SLC25A21: variants seen among roughly 807,000 people sequenced by gnomAD.
SLC25A21 encodes mitochondrial 2-oxodicarboxylate carrier.
SLC25A21 carries 47 observed loss-of-function variants against 43.8 expected under a neutral mutation model. The ratio of observed to expected loss-of-function variants is 1.07; its 90% confidence interval spans 0.85 to 1.37. The LOEUF (loss-of-function observed/expected upper bound fraction) is 1.37. Among genes scored for constraint, SLC25A21 ranks in the 40% most tolerant of loss-of-function variants. The pLI is 0.00. For missense variants in SLC25A21, 352 were observed against 350.2 expected, an observed-to-expected ratio of 1.00 and a Z score of -0.04; for synonymous variants, 131 against 121.3, an observed-to-expected ratio of 1.08 and a Z score of -0.52.
At chr14:36,946,399 A>C (rs1429925110) in intron 1 of SLC25A21, among the ~76,000 whole-genome samples, 2 of 152,150 alleles carry the variant, frequency 1.3e-5, no homozygotes, top group Non-Finnish European at 1.5e-5. Flanking sequence ...AAATGTAATT[A>C]ATTAAGTTTA....
intron 3 of SLC25A21, among the ~76,000 whole-genome samples, chr14:36,777,562 C>A (rs541299583): frequency 2.0e-5 from 3 of 152,062 alleles, no homozygotes; most frequent in Non-Finnish European, 4.4e-5. Flanking sequence ...AGAAGATACT[C>A]AAAGAAACAC....
At chr14:37,159,234 A>G (rs1329035894) in intron 1 of SLC25A21, among the ~76,000 whole-genome samples, 4 of 152,056 alleles carry the variant, frequency 2.6e-5, no homozygotes, top group South Asian at 4.1e-4. Flanking sequence ...AAATCTTAAA[A>G]TCCATAGGGA....
chr14:36,847,624 G>A (rs1889588007), intron 2 of SLC25A21, among the ~76,000 whole-genome samples: 2 of 152,326 alleles, frequency 1.3e-5, no homozygotes, highest in South Asian at 4.1e-4. Flanking sequence ...GAGAAGGTGA[G>A]AGAGGACCCT....
intron 7 of SLC25A21, among the ~76,000 whole-genome samples, chr14:36,704,264 A>G (rs149007935): frequency 6.6e-6 from 1 of 152,332 alleles, no homozygotes; most frequent in East Asian, 1.9e-4. Context: ...CATGGCAGAA[A>G]GAGAATCCAG....
chr14:36,870,190 C>T (rs565083411), intron 2 of SLC25A21, among the ~76,000 whole-genome samples: 14 of 152,270 alleles, frequency 9.2e-5, no homozygotes, highest in South Asian at 6.2e-4. Context: ...TAATTCTAGA[C>T]GTCATAAAAA....
At chr14:37,047,978 A>C (rs902366529) in intron 1 of SLC25A21, among the ~76,000 whole-genome samples, 4 of 152,220 alleles carry the variant, frequency 2.6e-5, no homozygotes, top group African/African-American at 7.2e-5. Flanking sequence ...TTTTAGGAAG[A>C]AAAGCAAATT....
chr14:36,847,049 C>T (rs1030719426), intron 2 of SLC25A21, among the ~76,000 whole-genome samples: 21 of 152,230 alleles, frequency 1.4e-4, no homozygotes, highest in South Asian at 8.3e-4. Flanking sequence ...TACGTCTAGC[C>T]GCAGAATTAT....
At chr14:36,740,804 C>T (rs1000386923) in intron 3 of SLC25A21, among the ~76,000 whole-genome samples, 2 of 152,084 alleles carry the variant, frequency 1.3e-5, no homozygotes, top group Non-Finnish European at 2.9e-5. Context: ...CTCAAAGATG[C>T]CTTCTTATTG....
chr14:37,031,053 C>G (rs1287664742), intron 1 of SLC25A21, among the ~76,000 whole-genome samples: 1 of 152,140 alleles, frequency 6.6e-6, no homozygotes, highest in African/African-American at 2.4e-5. Flanking sequence ...TGCCTTCTAC[C>G]TCATTTTCCT....
chr14:36,986,576 T>C (rs901376874), intron 1 of SLC25A21, among the ~76,000 whole-genome samples: 8 of 152,160 alleles, frequency 5.3e-5, no homozygotes, highest in Admixed American at 2.6e-4. Context: ...GAGACCATGT[T>C]AGCTCCTCCT....
chr14:36,731,429 A>G (rs935989855), intron 4 of SLC25A21, among the ~76,000 whole-genome samples: 2 of 152,236 alleles, frequency 1.3e-5, no homozygotes, highest in East Asian at 3.9e-4. Flanking sequence ...TCTCAGGAAC[A>G]CAAAACTTAC....
chr14:36,906,507 C>T (rs1891538517), intron 1 of SLC25A21, among the ~76,000 whole-genome samples: 1 of 150,608 alleles, frequency 6.6e-6, no homozygotes, highest in African/African-American at 2.5e-5. Flanking sequence ...TAATTTCTTT[C>T]CTTCCTTTTT....
At chr14:36,952,692 ATAAC>A (rs932487054) in intron 1 of SLC25A21, among the ~76,000 whole-genome samples, 2 of 152,188 alleles carry the variant, frequency 1.3e-5, no homozygotes, top group African/African-American at 4.8e-5. Flanking sequence ...CCATGATAAA[ATAAC>A]TAAGGGTAAA....
intron 1 of SLC25A21, among the ~76,000 whole-genome samples, chr14:37,080,007 G>T (rs1040510131): frequency 6.6e-5 from 10 of 152,106 alleles, no homozygotes; most frequent in African/African-American, 2.4e-4. Flanking sequence ...GCTAGAAGCT[G>T]CCATCTATTA....
At chr14:36,772,680 T>G (rs1327215324) in intron 3 of SLC25A21, among the ~76,000 whole-genome samples, 1 of 152,140 alleles carries the variant, frequency 6.6e-6, no homozygotes, top group Non-Finnish European at 1.5e-5. Context: ...AATTTGAACC[T>G]CAGCAAAACT....
At chr14:37,108,225 C>T (rs1026887037) in intron 1 of SLC25A21, among the ~76,000 whole-genome samples, 2 of 152,202 alleles carry the variant, frequency 1.3e-5, no homozygotes, top group African/African-American at 2.4e-5. Context: ...ACTTCTACAA[C>T]TTCTAAGCTG....
At chr14:37,045,139 A>G (rs1594767491) in intron 1 of SLC25A21, among the ~76,000 whole-genome samples, 1 of 152,212 alleles carries the variant, frequency 6.6e-6, no homozygotes, top group African/African-American at 2.4e-5. Context: ...TTTCAAATCG[A>G]AAGTTACATG....
intron 1 of SLC25A21, among the ~76,000 whole-genome samples, chr14:36,936,271 A>T (rs1892420880): frequency 6.6e-6 from 1 of 152,084 alleles, no homozygotes; most frequent in South Asian, 2.1e-4. Flanking sequence ...GCTTGACTGG[A>T]TGAGCTATTA....
rs1049257276 is a variant in SLC25A21 at position 37,086,050 on chromosome 14, A to C, written c.70+86231T>G. 2.0e-5 allele frequency among the ~76,000 whole-genome samples: 3 copies of C among 152,094 alleles called. No homozygotes were observed. The South Asian group carries it at 6.2e-4, about 31-fold the overall frequency. ...AACCCAGGAGGCGGAGCTTGCAGTG[A>C]GCTGAGATCACGCCACTGCACTGTA... On this transcript the variant is annotated intron_variant, in intron 1 of 9. Transcript: ENST00000331299.
Sources: gnomAD v4.1 joint callset for allele counts (sites outside exome capture counted in the v4.1 genomes callset) on GRCh38, gnomAD v4.1.1 for gene constraint, MANE v1.5 for transcripts, NCBI Gene and HGNC (gene_info 2026-07-23, HGNC 2026-07-21) for gene names.